The following RMDN2 variants were observed in gnomAD, a reference collection of about 807,000 sequenced individuals.
RMDN2 encodes regulator of microtubule dynamics 2.
Under a neutral mutation model 52.8 loss-of-function variants are expected in RMDN2, and 61 were observed. The ratio of observed to expected loss-of-function variants is 1.16; its 90% CI spans 0.94 to 1.43. The LOEUF (loss-of-function observed/expected upper bound fraction) is 1.43, where lower values mean the gene tolerates loss of function less well. Ranked by LOEUF, RMDN2 falls within the 40% of genes most tolerant of loss-of-function variation. RMDN2 has a pLI of 0.00. For synonymous variants in RMDN2, 180 were observed against 153.1 expected, an observed-to-expected ratio of 1.18 and a Z score of -1.30; for missense variants, 592 against 475.3, an observed-to-expected ratio of 1.25 and a Z score of -2.28.
chr2:38,053,923 T>C (rs547014924), intron 10 of RMDN2, among the ~76,000 whole-genome samples: 4 of 152,326 alleles, frequency 2.6e-5, no homozygotes, highest in African/African-American at 7.2e-5. Flanking sequence ...AATAGTTATT[T>C]TGATAGACAG....
At chr2:38,005,819 G>T (rs1429941982) in intron 10 of RMDN2, among the ~76,000 whole-genome samples, 2 of 152,056 alleles carry the variant, frequency 1.3e-5, no homozygotes, top group African/African-American at 4.8e-5. Context: ...TTTCTCCTAG[G>T]GTTTTTATGG....
chr2:37,954,914 C>G (rs1033464847), intron 2 of RMDN2, among the ~76,000 whole-genome samples: 1 of 152,000 alleles, frequency 6.6e-6, no homozygotes, highest in Non-Finnish European at 1.5e-5. Context: ...TTTTCATCTC[C>G]TTAGTTAAGT....
chr2:38,061,027 G>A (rs1682023850), intron 10 of RMDN2, among the ~76,000 whole-genome samples: 1 of 152,020 alleles, frequency 6.6e-6, no homozygotes, highest in South Asian at 2.1e-4. Context: ...GAGTCCTTTG[G>A]TGCACATAAA....
downstream of RMDN2, among the ~76,000 whole-genome samples, chr2:38,018,260 G>A (rs1245235868): frequency 6.6e-6 from 1 of 152,122 alleles, no homozygotes. Flanking sequence ...TCATGAGATG[G>A]AGCATTCTCA....
chr2:38,040,177 T>C (rs770720064), intron 10 of RMDN2, among the ~76,000 whole-genome samples: 1 of 151,934 alleles, frequency 6.6e-6, no homozygotes, highest in Non-Finnish European at 1.5e-5. Flanking sequence ...ATCAGTTGAC[T>C]ATATTTGTGT....
intron 10 of RMDN2, among the ~76,000 whole-genome samples, chr2:38,057,729 G>A (rs926117860): frequency 1.3e-5 from 2 of 152,098 alleles, no homozygotes; most frequent in Admixed American, 1.3e-4. Flanking sequence ...CATCCCCCTT[G>A]GTACTGTATA....
chr2:38,014,788 G>A (rs1678512527), intron 10 of RMDN2, among the ~76,000 whole-genome samples: 1 of 152,170 alleles, frequency 6.6e-6, no homozygotes, highest in Non-Finnish European at 1.5e-5. Context: ...TCTGCTAGAG[G>A]CTTGTGATAC....
chr2:37,929,834 A>G, intron 2 of RMDN2, 105 bp downstream of exon 2: 3 of 718,990 alleles, frequency 4.2e-6, no homozygotes, highest in South Asian at 2.4e-5. Context: ...TGCTGCTCAC[A>G]TAAAATGAAA....
chr2:37,950,198 G>A, intron 2 of RMDN2: 1 of 344,222 alleles, frequency 2.9e-6, no homozygotes, highest in South Asian at 2.9e-5. Context: ...GGCAGCTGGT[G>A]AGAGAGATGG....
At chr2:37,957,416 G>C (rs1396193258) in intron 2 of RMDN2, among the ~76,000 whole-genome samples, 1 of 152,180 alleles carries the variant, frequency 6.6e-6, no homozygotes, top group Non-Finnish European at 1.5e-5. Flanking sequence ...GTGATGATGA[G>C]CTTTTTTTCG....
chr2:38,000,829 A>G (rs1676218564), intron 8 of RMDN2, among the ~76,000 whole-genome samples: 1 of 152,226 alleles, frequency 6.6e-6, no homozygotes. Context: ...TGGTATTGAC[A>G]TATTTTATTT....
intron 1 of RMDN2, chr2:37,928,755 T>A (rs1255850267): frequency 6.6e-6 from 1 of 152,472 alleles, no homozygotes; most frequent in African/African-American, 2.4e-5. Flanking sequence ...GTTTTCTATA[T>A]GTCTACTTCA....
intron 5 of RMDN2, among the ~76,000 whole-genome samples, chr2:37,987,052 A>G (rs972819373): frequency 1.3e-5 from 2 of 152,230 alleles, no homozygotes; most frequent in Middle Eastern, 3.4e-3. Context: ...TGCAAAGACA[A>G]TGATATGATT....
intron 4 of RMDN2, among the ~76,000 whole-genome samples, chr2:37,977,815 G>A (rs1374385510): frequency 6.6e-6 from 1 of 152,032 alleles, no homozygotes; most frequent in African/African-American, 2.4e-5. Context: ...TGGCCGGGAA[G>A]AGGCGCTCCT....
chr2:38,050,910 C>T (rs1379476479), intron 10 of RMDN2, among the ~76,000 whole-genome samples: 3 of 152,182 alleles, frequency 2.0e-5, no homozygotes, highest in Non-Finnish European at 4.4e-5. Context: ...TACAGCTGTG[C>T]ATTACTACGC....
At position 37,994,708 on chromosome 2, in the gene RMDN2, C is replaced by A. The variant is rs943493533; in HGVS notation, c.946-2708C>A. On this transcript the variant is annotated intron_variant, in intron 7 of 10. Transcript: ENST00000354545. ...AAAAGATGACAATACCAAGTACCAG[C>A]GAGGATATAGAGCAATTGAAACTCA... 1.3e-4 allele frequency among the ~76,000 whole-genome samples: 20 copies of A among 151,828 alleles called. No individual in the cohort carries two copies. In the East Asian group the frequency reaches 2.7e-3, roughly 20 times the overall value.
intron 10 of RMDN2, among the ~76,000 whole-genome samples, chr2:38,013,465 G>A (rs1678290367): frequency 1.3e-5 from 2 of 152,166 alleles, no homozygotes; most frequent in Admixed American, 1.3e-4. Flanking sequence ...CTCTGGGAGT[G>A]CTAAAAGTTA....
At chr2:38,021,518 G>T (rs1434747108), downstream of RMDN2, among the ~76,000 whole-genome samples, 1 of 152,030 alleles carries the variant, frequency 6.6e-6, no homozygotes, top group Non-Finnish European at 1.5e-5. Context: ...GAGCCAGCGA[G>T]ACCACAAACC....
chr2:38,038,007 T>C (rs999020050), intron 10 of RMDN2, among the ~76,000 whole-genome samples: 1 of 152,128 alleles, frequency 6.6e-6, no homozygotes, highest in African/African-American at 2.4e-5. Context: ...TGGAGCCTGG[T>C]GTTTGCTTTG....
Sources: gnomAD v4.1 joint callset for allele counts (sites outside exome capture counted in the v4.1 genomes callset) on GRCh38, gnomAD v4.1.1 for gene constraint, MANE v1.5 for transcripts, NCBI Gene and HGNC (gene_info 2026-07-23, HGNC 2026-07-21) for gene names.